Variants in SPATA22 observed in about 807,000 individuals in gnomAD.
SPATA22 encodes the protein spermatogenesis associated 22, also known as spermatogenesis-associated protein 22.
In SPATA22, 29 loss-of-function variants were observed where a neutral mutation model predicts 47.8. The ratio of observed to expected loss-of-function variants is 0.61; its 90% confidence interval spans 0.45 to 0.83. The LOEUF is 0.83. Ranked by LOEUF, SPATA22 falls within the 40% of genes least tolerant of loss-of-function variation. The pLI, the probability that SPATA22 is intolerant of heterozygous loss-of-function variation, is 0.00. For missense variants in SPATA22, 410 were observed against 421.7 expected (o/e 0.97, Z 0.24); for synonymous variants, 133 against 140.9 (o/e 0.94, Z 0.40).
chr17:3,496,943 G>A (rs1211257173), intron 1 of SPATA22, among the ~76,000 whole-genome samples: 4 of 152,324 alleles, frequency 2.6e-5, no homozygotes, highest in Admixed American at 1.3e-4. Context: ...GCAGGCGCCT[G>A]TAATCCCAGC....
rs770706390 is a variant in SPATA22 at position 3,483,569 on chromosome 17, G to A, written c.-73-14171C>T. 3.3e-5 allele frequency: 53 copies of A among 1,613,668 alleles called. No homozygotes were observed. Among genetic ancestry groups the A allele is most frequent in the Non-Finnish European group, 3.7e-5 (44 of 1,179,746 alleles). ...CCTTCCCTCAAATATGCGACCACTCGTTCCATAGCCAAGTATCCTGTGGGT... is the reference window on the plus strand; with the variant it reads ...CCTTCCCTCAAATATGCGACCACTCATTCCATAGCCAAGTATCCTGTGGGT... On this transcript the variant is annotated intron_variant, in intron 1 of 8. Transcript: ENST00000541913.
At chr17:3,440,395 T>G in intron 8 of SPATA22, 57 bp from the exon 9 acceptor site, 1 of 1,403,214 alleles carries the variant, frequency 7.1e-7, no homozygotes, top group East Asian at 2.5e-5. Flanking sequence ...GAATTTCAAT[T>G]TTTTAAATAT....
intron 3 of SPATA22, 38 bp downstream of exon 3, chr17:3,467,388 G>C: frequency 2.7e-6 from 4 of 1,491,816 alleles, no homozygotes; most frequent in Non-Finnish European, 3.6e-6. Flanking sequence ...TCCTAGTTTT[G>C]TATTTCCTGA....
At chr17:3,483,722 G>C (rs2073674196) in intron 1 of SPATA22, 5 of 859,426 alleles carry the variant, frequency 5.8e-6, no homozygotes, top group South Asian at 2.9e-5. Flanking sequence ...GAGTCCGATG[G>C]TGTGATCTCA....
At chr17:3,453,368 C>T (rs150386802) in intron 5 of SPATA22, among the ~76,000 whole-genome samples, 79 of 152,130 alleles carry the variant, frequency 5.2e-4, no homozygotes, top group African/African-American at 1.7e-3. Flanking sequence ...GTTTAACATA[C>T]GCAAATCAAT....
chr17:3,489,795 G>A (rs1750042734), intron 1 of SPATA22, among the ~76,000 whole-genome samples: 1 of 152,192 alleles, frequency 6.6e-6, no homozygotes, highest in Non-Finnish European at 1.5e-5. Flanking sequence ...AGACATTTTA[G>A]AGGATAATCT....
intron 5 of SPATA22, among the ~76,000 whole-genome samples, chr17:3,462,029 C>T (rs1381231492): frequency 6.6e-6 from 1 of 152,172 alleles, no homozygotes; most frequent in East Asian, 1.9e-4. Flanking sequence ...GATGCATATG[C>T]ATCACAGCCT....
intron 1 of SPATA22, among the ~76,000 whole-genome samples, chr17:3,477,747 C>T (rs191468187): frequency 1.2e-4 from 19 of 152,266 alleles, no homozygotes; most frequent in Non-Finnish European, 2.6e-4. Context: ...AGCCACCGCG[C>T]TGGGCCGCTT....
chr17:3,475,954 C>A (rs1460500570), upstream of SPATA22: 1 of 587,040 alleles, frequency 1.7e-6, no homozygotes, highest in African/African-American at 1.9e-5. Context: ...CCAAATATGG[C>A]AAAGGGCAGG....
rs141755746 is a variant in SPATA22 at position 3,483,525 on chromosome 17, C to T, written c.-73-14127G>A. ...CTTCTCTGGCTCCACTACCCTGCTACGTTTATCTGATTGAGCATCCTTCCC... is the reference window on the plus strand; with the variant it reads ...CTTCTCTGGCTCCACTACCCTGCTATGTTTATCTGATTGAGCATCCTTCCC... On this transcript the variant is annotated intron_variant, in intron 1 of 8. Coordinates refer to the SPATA22 transcript ENST00000541913. The T allele has an allele frequency of 3.3e-5, 54 of 1,614,086 alleles. No individual in the cohort carries two copies. Among genetic ancestry groups the T allele is most frequent in the Admixed American group, 2.0e-4 (12 of 60,004 alleles).
chr17:3,481,658 C>T (rs1236611105), intron 1 of SPATA22: 2 of 1,613,656 alleles, frequency 1.2e-6, no homozygotes, highest in African/African-American at 2.7e-5. Flanking sequence ...AGAAATAAAT[C>T]ATTTATTTGG....
At chr17:3,504,840 G>A (rs542814416) in intron 1 of SPATA22, among the ~76,000 whole-genome samples, 1 of 152,204 alleles carries the variant, frequency 6.6e-6, no homozygotes, top group East Asian at 1.9e-4. Flanking sequence ...ATTACAGGCA[G>A]GAGCCGCCGC....
At chr17:3,464,419 G>C (rs1381245061) in intron 3 of SPATA22, among the ~76,000 whole-genome samples, 1 of 150,678 alleles carries the variant, frequency 6.6e-6, no homozygotes, top group Non-Finnish European at 1.5e-5. Flanking sequence ...GGGAAGTGAG[G>C]AGCGTCTCTG....
At chr17:3,503,395 T>C (rs1043003276) in intron 1 of SPATA22, 2 of 152,212 alleles carry the variant, frequency 1.3e-5, no homozygotes, top group Non-Finnish European at 2.9e-5. Context: ...ATAAACTCTC[T>C]TCCTTCTGAA....
chr17:3,499,179 G>A (rs2150764448), intron 1 of SPATA22: 3 of 1,369,860 alleles, frequency 2.2e-6, no homozygotes, highest in Non-Finnish European at 3.0e-6. Flanking sequence ...TTATTCAACT[G>A]CATACATAGC....
Position 3,493,354 on chromosome 17 carries a change from A to T in SPATA22, c.-74+20058T>A, listed in dbSNP as rs371881301. On this transcript the variant is annotated intron_variant, in intron 1 of 8. Transcript: ENST00000541913. ...GAGGCGGGCGGATCACAAGGTCAAG[A>T]AATCGAGACCATCCTGGCCAACATG... 3.4e-4 allele frequency among the ~76,000 whole-genome samples: 51 copies of T among 152,188 alleles called. No individual in the cohort carries two copies. In the South Asian group the frequency reaches 0.01, roughly 31 times the overall value.
At chr17:3,492,669 ACAGCCCACATTGGC>A (rs2073844756) in intron 1 of SPATA22, among the ~76,000 whole-genome samples, 2 of 152,208 alleles carry the variant, frequency 1.3e-5, no homozygotes, top group South Asian at 4.1e-4. Context: ...ATTATGTACA[ACAGCCCACATTGGC>A]CTGCTGGATA....
chr17:3,496,883 G>A (rs902166087), intron 1 of SPATA22, among the ~76,000 whole-genome samples: 5 of 152,080 alleles, frequency 3.3e-5, no homozygotes, highest in South Asian at 4.2e-4. Context: ...TGGCTAACAC[G>A]GTGAAACCCC....
chr17:3,483,726 G>A, intron 1 of SPATA22: 1 of 823,706 alleles, frequency 1.2e-6, no homozygotes, highest in East Asian at 2.8e-5. Context: ...CCGATGGTGT[G>A]ATCTCAGCTC....
Sources: allele counts gnomAD v4.1 joint callset (sites outside exome capture counted in the v4.1 genomes callset), GRCh38; gene constraint gnomAD v4.1.1; transcripts MANE v1.5; gene names NCBI Gene and HGNC (gene_info 2026-07-23, HGNC 2026-07-21).